The following ADGRF5 variants were observed in gnomAD, a reference collection of about 807,000 sequenced individuals.
ADGRF5 encodes the protein adhesion G protein-coupled receptor F5, also known as G-protein coupled receptor 116.
A neutral mutation model predicts 132.3 loss-of-function variants in ADGRF5; 75 were observed. The observed-to-expected ratio is 0.57, with a 90% CI of 0.47 to 0.69. The LOEUF (loss-of-function observed/expected upper bound fraction) is 0.69. ADGRF5 is among the 30% of genes least tolerant of loss of function. The pLI is 0.00. For synonymous variants in ADGRF5, 629 were observed against 597.6 expected, an observed-to-expected ratio of 1.05 and a Z score of -0.77; for missense variants, 1,516 against 1,630.6, an observed-to-expected ratio of 0.93 and a Z score of 1.21.
chr6:46,860,530 G>A (rs184160766), intron 16 of ADGRF5, among the ~76,000 whole-genome samples, 185 bp downstream of exon 16: 1 of 152,166 alleles, frequency 6.6e-6, no homozygotes, highest in East Asian at 1.9e-4. Context: ...TATTCTTAAG[G>A]TCTCAAAATG....
At chr6:46,912,498 A>G (rs930601841) in intron 1 of ADGRF5, among the ~76,000 whole-genome samples, 3 of 152,126 alleles carry the variant, frequency 2.0e-5, no homozygotes, top group Non-Finnish European at 4.4e-5. Context: ...TACGAGGCAG[A>G]CGGGGTGAGG....
intron 1 of ADGRF5, among the ~76,000 whole-genome samples, chr6:46,914,523 A>C (rs913436842): frequency 5.3e-5 from 8 of 152,186 alleles, no homozygotes; most frequent in Non-Finnish European, 1.0e-4. Context: ...AGGGCAGTTC[A>C]GTACTATCAG....
chr6:46,879,500 A>G (rs897117105), intron 9 of ADGRF5, among the ~76,000 whole-genome samples: 1 of 152,088 alleles, frequency 6.6e-6, no homozygotes, highest in Non-Finnish European at 1.5e-5. Flanking sequence ...TCCTGCTGCC[A>G]TGCAAGACAT....
chr6:46,868,628 A>C (rs1438996301), intron 12 of ADGRF5, among the ~76,000 whole-genome samples: 1 of 152,224 alleles, frequency 6.6e-6, no homozygotes, highest in Non-Finnish European at 1.5e-5. Context: ...GCAAGGGTAC[A>C]GGGTCTGGAA....
At chr6:46,877,330 T>TC (rs1771900930) in intron 10 of ADGRF5, among the ~76,000 whole-genome samples, 1 of 97,082 alleles carries the variant, frequency 1.0e-5, no homozygotes, top group African/African-American at 5.8e-5. Context: ...TCCTTCTTTC[T>TC]TTCTTTCTTT....
intron 3 of ADGRF5, among the ~76,000 whole-genome samples, chr6:46,890,429 A>G (rs1187969540): frequency 6.6e-6 from 1 of 152,064 alleles, no homozygotes; most frequent in Non-Finnish European, 1.5e-5. Flanking sequence ...AAATAAGGAA[A>G]AAAGTAGGGC....
At chr6:46,933,265 G>T (rs1011646056) in intron 1 of ADGRF5, among the ~76,000 whole-genome samples, 1 of 152,262 alleles carries the variant, frequency 6.6e-6, no homozygotes, top group Non-Finnish European at 1.5e-5. Flanking sequence ...GTAGTGAATC[G>T]TTTTTAAAGA....
At position 46,881,525 on chromosome 6, in the gene ADGRF5, A is replaced by G; in HGVS notation, c.744T>C (p.Asn248=). The G allele has an allele frequency of 6.2e-7, 1 of 1,613,500 alleles. No individual in the cohort carries two copies. Among genetic ancestry groups the G allele is most frequent in the Non-Finnish European group, 8.5e-7 (1 of 1,179,392 alleles). The change falls in exon 8 of 21, where the codon AAT becomes AAC. Residue 248 remains asparagine (N), a synonymous_variant. Transcript: ENST00000283296. ...PPSLELIHKA[N]EQVVQSLNQT... ...GATTGAGGCTCTGTACAACTTGTTC[A>G]TTGGCTTTATGTATTAACTCAAGTG...
At chr6:46,885,873 T>G (rs1322589138) in intron 4 of ADGRF5, among the ~76,000 whole-genome samples, 1 of 152,224 alleles carries the variant, frequency 6.6e-6, no homozygotes, top group Non-Finnish European at 1.5e-5. Flanking sequence ...CTTCTACATC[T>G]TAATTCTTAA....
At chr6:46,909,522 A>T (rs541512558) in intron 1 of ADGRF5, among the ~76,000 whole-genome samples, 11 of 152,332 alleles carry the variant, frequency 7.2e-5, no homozygotes, top group Admixed American at 2.0e-4. Context: ...GCCTGACATC[A>T]TATGCCAGGA....
chr6:46,918,763 C>T (rs1480295605), intron 1 of ADGRF5, among the ~76,000 whole-genome samples: 3 of 152,188 alleles, frequency 2.0e-5, no homozygotes, highest in Non-Finnish European at 2.9e-5. Flanking sequence ...TGTGTCTGTT[C>T]CTCCGAAAGA....
At chr6:46,953,669 A>ATGTGTC (rs1561846975) in intron 1 of ADGRF5, among the ~76,000 whole-genome samples, 5 of 131,814 alleles carry the variant, frequency 3.8e-5, no homozygotes, top group Non-Finnish European at 6.5e-5. Flanking sequence ...ATATATATAT[A>ATGTGTC]TATATATATA....
intron 14 of ADGRF5, among the ~76,000 whole-genome samples, chr6:46,864,261 T>C (rs1369823151): frequency 6.6e-6 from 1 of 152,128 alleles, no homozygotes; most frequent in Non-Finnish European, 1.5e-5. Flanking sequence ...AACATGAACT[T>C]TCACCTCAAA....
In ADGRF5 at chr6:46,860,851, T is replaced by C. The variant is rs752666811; in HGVS notation, c.2243A>G (p.Tyr748Cys). The change falls in exon 16 of 21, where the codon TAC becomes TGC. Residue 748 changes from tyrosine (Y) to cysteine (C), a missense_variant. Around this residue, in one of 2 missense-constraint regions of ADGRF5, gnomAD observed 945 missense variants for 929.4 expected, o/e 1.02. Transcript: ENST00000283296. ...SPSQDEMLPT[Y>C]LKDLSISIDK... ...TATGCTAATAGAAAGATCCTTCAGG[T>C]ATGTAGGGAGCATCTCATCCTGAGA... The C allele has an allele frequency of 8.1e-6, 13 of 1,613,470 alleles. No homozygotes were observed. The Admixed American group carries it at 1.7e-4, about 21-fold the overall frequency.
intron 9 of ADGRF5, among the ~76,000 whole-genome samples, chr6:46,878,681 A>G (rs1772098641): frequency 6.6e-6 from 1 of 152,244 alleles, no homozygotes; most frequent in Non-Finnish European, 1.5e-5. Context: ...TAGAAGAAGT[A>G]GAAAAGAAAA....
chr6:46,953,651 GTATATATA>G (rs61302381), intron 1 of ADGRF5, among the ~76,000 whole-genome samples: 67 of 42,184 alleles, frequency 1.6e-3, no homozygotes, highest in South Asian at 6.0e-3. Flanking sequence ...AGATATATGT[GTATATATA>G]TATATATATA....
chr6:46,917,666 A>G (rs949662537), intron 1 of ADGRF5, among the ~76,000 whole-genome samples: 1 of 151,796 alleles, frequency 6.6e-6, no homozygotes, highest in Non-Finnish European at 1.5e-5. Context: ...CCCTCCCCTA[A>G]CCCTCACCCG....
intron 3 of ADGRF5, among the ~76,000 whole-genome samples, chr6:46,898,792 C>A (rs1453220550): frequency 1.3e-5 from 2 of 152,126 alleles, no homozygotes; most frequent in Non-Finnish European, 2.9e-5. Flanking sequence ...TCACACATGG[C>A]TGAAAAAATG....
At chr6:46,940,702 G>T (rs1221970789) in intron 1 of ADGRF5, among the ~76,000 whole-genome samples, 3 of 152,110 alleles carry the variant, frequency 2.0e-5, no homozygotes, top group African/African-American at 7.2e-5. Context: ...TTCCTGCTTT[G>T]CAAAGAGAAA....
Sources: gnomAD v4.1 joint callset for allele counts (sites outside exome capture counted in the v4.1 genomes callset) on GRCh38, gnomAD v4.1.1 for gene constraint, gnomAD v4.1.1 regional missense constraint, MANE v1.5 for transcripts, NCBI Gene and HGNC (gene_info 2026-07-23, HGNC 2026-07-21) for gene names.